Variants in PSD2 observed in about 807,000 individuals in gnomAD.
PSD2 encodes the protein PH and SEC7 domain-containing protein 2.
Under a neutral mutation model 69.8 loss-of-function variants are expected in PSD2, and 38 were observed. The observed-to-expected ratio is 0.54, with a 90% CI of 0.42 to 0.71. PSD2 has a LOEUF of 0.71. Among genes scored for constraint, PSD2 ranks in the 30% least tolerant of loss-of-function variants. The pLI is 0.00. For missense variants in PSD2, 943 were observed against 1,014.5 expected, an observed-to-expected ratio of 0.93 and a Z score of 0.96; for synonymous variants, 412 against 423.0, an observed-to-expected ratio of 0.97 and a Z score of 0.32.
In PSD2 at chr5:139,838,632, A is replaced by C; in HGVS notation, c.1828A>C (p.Lys610Gln). Residue 610 changes from lysine (K) to glutamine (Q), a missense_variant, in exon 13 of 15, where the codon AAG (lysine) becomes CAG (glutamine). Physicochemically the swap from Lys to Gln is moderately conservative, Grantham distance 53. Coordinates refer to ENST00000274710, the MANE Select transcript of PSD2 (RefSeq NM_032289.4). ...CTCTCCCCCTCCTGTCCCCAGGAGC[A>C]AGGAAGAAATGCTGTCCTGGATCCT... ...WRVFLFQAPS[K>Q]EEMLSWILRI... is the part of the protein sequence containing the mutation. The C allele has an allele frequency of 1.9e-6, 3 of 1,612,280 alleles. No homozygotes were observed. Among genetic ancestry groups the C allele is most frequent in the Non-Finnish European group, 2.5e-6 (3 of 1,178,588 alleles).
chr5:139,815,991 A>G (rs1475572403), intron 4 of PSD2, among the ~76,000 whole-genome samples: 5 of 137,448 alleles, frequency 3.6e-5, no homozygotes, highest in Non-Finnish European at 6.3e-5. Context: ...AACACTCCAT[A>G]TATTAAAAAA....
At chr5:139,820,293 G>A (rs1022464316) in intron 5 of PSD2, among the ~76,000 whole-genome samples, 3 of 152,098 alleles carry the variant, frequency 2.0e-5, no homozygotes, top group African/African-American at 7.2e-5. Flanking sequence ...TTGAATGGGG[G>A]AGGTTTTGAG....
chr5:139,792,708 CTT>C (rs1759434645), upstream of PSD2, among the ~76,000 whole-genome samples: 1 of 151,810 alleles, frequency 6.6e-6, no homozygotes, highest in Admixed American at 6.6e-5. Flanking sequence ...CTTTCTTTCT[CTT>C]TCTTTCTTTT....
At chr5:139,761,523 G>A in the PSD2 span, among the ~76,000 whole-genome samples, 364 of 152,306 alleles carry the variant, frequency 2.4e-3, 3 homozygotes, top group African/African-American at 8.1e-3. Flanking sequence ...AGCCCTATAA[G>A]CCTGTAAGTC....
chr5:139,809,177 G>GC (rs1759885954), intron 1 of PSD2, among the ~76,000 whole-genome samples: 3 of 152,218 alleles, frequency 2.0e-5, no homozygotes, highest in African/African-American at 7.2e-5. Context: ...TAGTGGGCTG[G>GC]CCAGGGTCAA....
At chr5:139,800,478 T>A (rs1234980718) in intron 1 of PSD2, among the ~76,000 whole-genome samples, 1 of 152,198 alleles carries the variant, frequency 6.6e-6, no homozygotes, top group Non-Finnish European at 1.5e-5. Flanking sequence ...CCAGAGCTGG[T>A]CTTGAACTCC....
the PSD2 span, among the ~76,000 whole-genome samples, chr5:139,768,999 C>A: frequency 6.6e-6 from 1 of 152,158 alleles, no homozygotes; most frequent in African/African-American, 2.4e-5. Context: ...TGAACAGGAG[C>A]CAGTCCCTGC....
rs771231301 is a variant in PSD2, at chr5:139,809,584, C to A, written c.144C>A (p.His48Gln). 1 of 1,614,164 alleles carries A rather than the reference C, an allele frequency of 6.2e-7. No individual in the cohort carries two copies. Among genetic ancestry groups the A allele is most frequent in the African/African-American group, 1.3e-5 (1 of 75,056 alleles). Residue 48 changes from histidine (H) to glutamine (Q), a missense_variant, in exon 2 of 15, where the codon CAC (histidine) becomes CAA (glutamine). Transcript: ENST00000274710. ...GLNSSLCSPG[H>Q]ERRGTPADTE... is the part of the protein sequence containing the mutation. ...ACAGCAGCCTCTGCAGCCCAGGGCA[C>A]GAGCGAAGGGGCACCCCAGCGGACA...
chr5:139,767,314 C>A, the PSD2 span, among the ~76,000 whole-genome samples: 1 of 150,012 alleles, frequency 6.7e-6, no homozygotes, highest in African/African-American at 2.5e-5. Flanking sequence ...TTCTTTCTTC[C>A]TTTTATTTTT....
chr5:139,796,235 G>T (rs1383059676), intron 1 of PSD2, among the ~76,000 whole-genome samples: 1 of 152,200 alleles, frequency 6.6e-6, no homozygotes, highest in African/African-American at 2.4e-5. Flanking sequence ...AGGGGGCGCC[G>T]CGGGAAAGCC....
chr5:139,818,037 C>T (rs957955749), intron 5 of PSD2, among the ~76,000 whole-genome samples: 1 of 152,016 alleles, frequency 6.6e-6, no homozygotes, highest in African/African-American at 2.4e-5. Flanking sequence ...GGGAGTAGAC[C>T]TCAGGAGGGC....
In PSD2 at chr5:139,817,442, G is replaced by A. The variant is rs1323569449; in HGVS notation, c.1017-39G>A. 9 of 1,574,562 alleles carry A rather than the reference G, an allele frequency of 5.7e-6. No individual in the cohort carries two copies. The East Asian group carries it at 1.6e-4, about 27-fold the overall frequency. ...CTGTGATTCTGTCATCCTTGGGCTG[G>A]ACCCTGCTTCTAACAGACATCCCAT... On this transcript the variant is annotated intron_variant, in intron 4 of 14. Coordinates refer to ENST00000274710, the MANE Select transcript of PSD2 (RefSeq NM_032289.4).
Position 139,843,290 on chromosome 5 carries a change from C to A in PSD2, c.*816C>A, listed in dbSNP as rs1760922279. ...GACGCTCTAGGAGGGAAGGGGGAGG[C>A]AGTGCTGGCCTCCCTTGCCCTGTTT... On this transcript the variant is annotated 3_prime_UTR_variant, in exon 15 of 15. Transcript: ENST00000274710. 6.6e-6 allele frequency: 1 copy of A among 152,224 alleles called. No individual in the cohort carries two copies. Among genetic ancestry groups the A allele is most frequent in the Non-Finnish European group, 1.5e-5 (1 of 68,042 alleles). The allele number at this position is 152,224 out of a possible 1,614,324, so 9.4% of individuals were successfully genotyped here. A position where few individuals can be genotyped will look rare whatever the true frequency, so the allele number is the denominator to read the frequency against.
the PSD2 span, among the ~76,000 whole-genome samples, chr5:139,784,115 A>AT: frequency 6.7e-6 from 1 of 149,164 alleles, no homozygotes; most frequent in Middle Eastern, 3.2e-3. Flanking sequence ...TAATTTTTGT[A>AT]TTTTTTGCAG....
the PSD2 span, among the ~76,000 whole-genome samples, chr5:139,771,311 T>G: frequency 6.6e-6 from 1 of 152,184 alleles, no homozygotes; most frequent in Admixed American, 6.5e-5. Context: ...GGAGCCGCCG[T>G]GGTGGGTAAG....
At chr5:139,817,166 A>G (rs1426969375) in intron 4 of PSD2, among the ~76,000 whole-genome samples, 2 of 152,174 alleles carry the variant, frequency 1.3e-5, no homozygotes, top group African/African-American at 2.4e-5. Context: ...TTCTGGCCAC[A>G]TGGCCCTGCT....
chr5:139,836,958 C>T lies in PSD2; in HGVS notation c.1551C>T (p.Gly517=), dbSNP rs371406215. Residue 517 remains glycine, a synonymous_variant, in exon 10 of 15, where the codon GGC becomes GGT. Coordinates refer to ENST00000274710, the MANE Select transcript of PSD2 (RefSeq NM_032289.4). Reference sequence around the variant, plus strand: ...TCAGTGCCACCACCTACAAGCACGGCGTCCTGACCCGGAAGACTCACGCTG... The same window carrying T: ...TCAGTGCCACCACCTACAAGCACGGTGTCCTGACCCGGAAGACTCACGCTG... The part of the protein sequence containing the change: ...QALSATTYKH[G]VLTRKTHADM... The T allele has an allele frequency of 1.3e-5, 21 of 1,613,912 alleles. No homozygotes were observed. The highest frequency in any genetic ancestry group is 5.3e-5 in the African/African-American group (4 of 75,034).
chr5:139,812,023 C>T (rs1162777489), intron 2 of PSD2, among the ~76,000 whole-genome samples: 2 of 152,132 alleles, frequency 1.3e-5, no homozygotes, highest in Non-Finnish European at 2.9e-5. Context: ...TCCCTGTGTA[C>T]CTGCTCATGT....
intron 8 of PSD2, 81 bp from the exon 9 acceptor site, chr5:139,835,642 T>A (rs751324296): frequency 7.1e-7 from 1 of 1,410,210 alleles, no homozygotes; most frequent in Non-Finnish European, 1.0e-6. Flanking sequence ...GCTCCCTCAC[T>A]GTACCCATGT....
Sources: gnomAD v4.1 joint callset for allele counts (sites outside exome capture counted in the v4.1 genomes callset) on GRCh38, gnomAD v4.1.1 for gene constraint, MANE v1.5 for transcripts, NCBI Gene and HGNC (gene_info 2026-07-23, HGNC 2026-07-21) for gene names.